The following CUL5 variants were observed in gnomAD, a reference collection of about 807,000 sequenced individuals.
CUL5 encodes the protein cullin-5.
A neutral mutation model predicts 108.8 loss-of-function variants in CUL5; 26 were observed. That is an observed-to-expected ratio of 0.24 (90% CI 0.18 to 0.33). CUL5 has a LOEUF of 0.33. Ranked by LOEUF, CUL5 falls within the 10% of genes least tolerant of loss-of-function variation. CUL5 has a pLI of 1.00. For synonymous variants in CUL5, 334 were observed against 298.0 expected, an observed-to-expected ratio of 1.12 and a Z score of -1.25; for missense variants, 524 against 909.2, an observed-to-expected ratio of 0.58 and a Z score of 5.45.
In CUL5 at chr11:108,100,983, C is replaced by G. The variant is rs548816890; in HGVS notation, c.2148+2454C>G. Among the ~76,000 whole-genome samples the G allele has an allele frequency of 2.2e-4, 33 of 151,674 alleles. No homozygotes were observed. In the South Asian group the frequency reaches 6.1e-3, roughly 28 times the overall value. On this transcript the variant is annotated intron_variant, in intron 18 of 18. Transcript: ENST00000393094. ...GGCGGAGGTTGCAGTGAGCGGAGAT[C>G]GCGCCACTGCACTCCAGCCTGGCAA...
rs71047667 is a variant in CUL5, at chr11:108,040,611, CAAAAAAAA to C, written c.135-5642_135-5635del. ...TGGCTGACAGAGTGAGACTCCGTCT[CAAAAAAAA>C]AAAAAAAAAAAAAAAATTAGCCAGT... On this transcript the variant is annotated intron_variant, in intron 2 of 18. Coordinates refer to ENST00000393094, the MANE Select transcript of CUL5 (RefSeq NM_003478.6). Among the ~76,000 whole-genome samples the C allele has an allele frequency of 5.8e-3, 648 of 112,686 alleles. 8 individuals carry two copies. Among genetic ancestry groups the C allele is most frequent in the African/African-American group, 0.022 (604 of 27,408 alleles). 73.9% of individuals were successfully genotyped at this position (112,686 alleles called of 152,430 possible).
intron 1 of CUL5, among the ~76,000 whole-genome samples, chr11:108,033,067 CAT>C (rs1862635435): frequency 1.3e-5 from 2 of 152,120 alleles, no homozygotes; most frequent in Admixed American, 1.3e-4. Context: ...CTGTTGTACC[CAT>C]AGTTATGATT....
At chr11:108,073,718 C>CT (rs1250116221) in intron 10 of CUL5, 1 of 288,064 alleles carries the variant, frequency 3.5e-6, no homozygotes, top group Non-Finnish European at 6.4e-6. Context: ...TAGAAAGTTG[C>CT]TTTTTTCTCA....
chr11:108,028,022 G>A (rs1472408990), intron 1 of CUL5, among the ~76,000 whole-genome samples: 1 of 151,976 alleles, frequency 6.6e-6, no homozygotes, highest in African/African-American at 2.4e-5. Context: ...CTCAGGCTTG[G>A]GTCTCCATCT....
In CUL5 at chr11:108,104,176, A is replaced by AT; in HGVS notation, c.2149-8dup. The AT allele has an allele frequency of 2.6e-6, 4 of 1,513,404 alleles. No individual in the cohort carries two copies. The highest frequency in any genetic ancestry group is 4.6e-5 in the East Asian group (2 of 43,758). 93.7% of individuals were successfully genotyped at this position (1,513,404 alleles called of 1,614,324 possible). On this transcript the variant is annotated splice_polypyrimidine_tract_variant and intron_variant, in intron 18 of 18. Transcript: ENST00000393094. ...CGTATATTAATGCGCTTTTATTTTT[A>AT]TTTTTTCTTTTAGGAAGCTATCATA...
chr11:108,009,483 C>T, intron 1 of CUL5, 111 bp downstream of exon 1: 3 of 1,207,600 alleles, frequency 2.5e-6, no homozygotes, highest in South Asian at 1.3e-5. Context: ...CAGGGGTTGT[C>T]CACTGGCAGG....
At chr11:108,090,415 T>TG (rs1170816246) in intron 13 of CUL5, among the ~76,000 whole-genome samples, 7 of 151,758 alleles carry the variant, frequency 4.6e-5, no homozygotes, top group South Asian at 2.1e-4. Context: ...GCATGAACCC[T>TG]GGGGGGCGGA....
intron 1 of CUL5, among the ~76,000 whole-genome samples, chr11:108,009,702 G>T (rs1190921988): frequency 6.6e-6 from 1 of 152,198 alleles, no homozygotes; most frequent in Non-Finnish European, 1.5e-5. Context: ...CGTTAGTACT[G>T]TTAGGTCTCA....
intron 2 of CUL5, among the ~76,000 whole-genome samples, chr11:108,039,424 CAT>C (rs1491503810): frequency 1.3e-5 from 2 of 152,212 alleles, no homozygotes; most frequent in African/African-American, 2.4e-5. Context: ...AAGATTCTCA[CAT>C]GTTTCCAGAT....
At chr11:108,095,743 A>G (rs970578529) in intron 16 of CUL5, 52 bp downstream of exon 16, 3 of 1,435,704 alleles carry the variant, frequency 2.1e-6, no homozygotes, top group Non-Finnish European at 2.9e-6. Context: ...TGTAGCAGGA[A>G]ATATATGATT....
At chr11:108,089,718 A>G (rs1864305222) in intron 13 of CUL5, 95 bp downstream of exon 13, 2 of 688,142 alleles carry the variant, frequency 2.9e-6, no homozygotes, top group Non-Finnish European at 4.4e-6. Context: ...GTTAATGTCA[A>G]AGAAGTAGGA....
At chr11:108,047,234 G>T (rs1863089852) in intron 3 of CUL5, among the ~76,000 whole-genome samples, 1 of 152,070 alleles carries the variant, frequency 6.6e-6, no homozygotes. Flanking sequence ...GGAGAATTGT[G>T]TGAGCCTGGA....
chr11:108,081,502 C>T (rs1864082213), intron 11 of CUL5, among the ~76,000 whole-genome samples: 1 of 152,130 alleles, frequency 6.6e-6, no homozygotes, highest in African/African-American at 2.4e-5. Flanking sequence ...CCTGTAATCC[C>T]AGCACTTAGG....
chr11:108,031,554 C>T (rs1459343976), intron 1 of CUL5, among the ~76,000 whole-genome samples: 1 of 152,196 alleles, frequency 6.6e-6, no homozygotes, highest in East Asian at 1.9e-4. Context: ...ACAGGGAGTC[C>T]TTTCTCTTTT....
chr11:108,022,335 A>G (rs1862346505), intron 1 of CUL5, among the ~76,000 whole-genome samples: 1 of 151,978 alleles, frequency 6.6e-6, no homozygotes, highest in African/African-American at 2.4e-5. Flanking sequence ...AAGCCAGTGG[A>G]TTTTTCTATT....
intron 1 of CUL5, among the ~76,000 whole-genome samples, chr11:108,028,665 C>T (rs530856519): frequency 1.2e-4 from 18 of 152,110 alleles, no homozygotes; most frequent in African/African-American, 3.9e-4. Flanking sequence ...GGTGAAACCC[C>T]GTCTCTACTA....
chr11:108,056,426 A>G (rs10890803), intron 7 of CUL5, among the ~76,000 whole-genome samples: 89,940 of 151,934 alleles, frequency 0.59, 28,233 homozygotes, highest in East Asian at 0.9. Flanking sequence ...CAGAAATCAC[A>G]CCGAGTTGGA....
chr11:108,069,339 AT>A (rs1197438778), intron 7 of CUL5, among the ~76,000 whole-genome samples: 1 of 152,052 alleles, frequency 6.6e-6, no homozygotes, highest in Non-Finnish European at 1.5e-5. Context: ...CAAATCATAG[AT>A]TTTCATTCAT....
intron 7 of CUL5, among the ~76,000 whole-genome samples, chr11:108,055,583 T>G (rs1414648866): frequency 6.6e-6 from 1 of 151,798 alleles, no homozygotes; most frequent in African/African-American, 2.4e-5. Flanking sequence ...TAGCTGGGAC[T>G]ACAGGCACAC....
Sources: gnomAD v4.1 joint callset for allele counts (sites outside exome capture counted in the v4.1 genomes callset) on GRCh38, gnomAD v4.1.1 for gene constraint, MANE v1.5 for transcripts, NCBI Gene and HGNC (gene_info 2026-07-23, HGNC 2026-07-21) for gene names.